KCNN2: variants seen among roughly 807,000 people sequenced by gnomAD.
The protein encoded by KCNN2 is potassium calcium-activated channel subfamily N member 2.
KCNN2 carries 24 observed loss-of-function variants against 55.5 expected under a neutral mutation model. The observed-to-expected ratio is 0.43, with a 90% CI of 0.31 to 0.61. KCNN2 has a LOEUF of 0.61. Among genes scored for constraint, KCNN2 ranks in the 20% least tolerant of loss-of-function variants. The pLI is 0.08. For synonymous variants in KCNN2, 431 were observed against 336.1 expected, an observed-to-expected ratio of 1.28 and a Z score of -3.09; for missense variants, 754 against 853.6, an observed-to-expected ratio of 0.88 and a Z score of 1.45.
intron 2 of KCNN2, among the ~76,000 whole-genome samples, chr5:114,388,457 C>T (rs1447771663): frequency 1.3e-5 from 2 of 152,188 alleles, no homozygotes; most frequent in Non-Finnish European, 2.9e-5. Context: ...GATCTCCCTT[C>T]CTCCTTCCAT....
chr5:114,440,393 C>T (rs1184210116), intron 3 of KCNN2, among the ~76,000 whole-genome samples: 1 of 152,100 alleles, frequency 6.6e-6, no homozygotes, highest in Non-Finnish European at 1.5e-5. Flanking sequence ...TATGTACCAC[C>T]AGGTCCTCAC....
intron 2 of KCNN2, among the ~76,000 whole-genome samples, chr5:114,389,119 A>G (rs771643306): frequency 1.8e-4 from 28 of 151,608 alleles, no homozygotes; most frequent in Non-Finnish European, 3.7e-4. Context: ...GTGAGTGTGT[A>G]TGTGTCTTTC....
At chr5:114,228,172 G>A (rs757706119) in intron 2 of KCNN2, among the ~76,000 whole-genome samples, 27 of 152,062 alleles carry the variant, frequency 1.8e-4, no homozygotes, top group Admixed American at 7.2e-4. Flanking sequence ...TCAGTCTTGA[G>A]ATGTCATTTC....
At chr5:114,405,857 C>A (rs1758914669) in intron 3 of KCNN2, among the ~76,000 whole-genome samples, 1 of 151,804 alleles carries the variant, frequency 6.6e-6, no homozygotes, top group East Asian at 1.9e-4. Flanking sequence ...ACTACAGGTG[C>A]CTGCCACCAT....
intron 5 of KCNN2, among the ~76,000 whole-genome samples, chr5:114,481,653 G>A (rs1031141010): frequency 6.6e-6 from 1 of 151,964 alleles, no homozygotes; most frequent in Admixed American, 6.6e-5. Flanking sequence ...TATATTATAG[G>A]GCTACAGTAA....
At chr5:114,056,388 C>T in exon 1 of KCNN2, 1 of 398,686 alleles carries the variant, frequency 2.5e-6, no homozygotes. Context: ...CCGGAATTCT[C>T]AGTGGACTCG....
chr5:114,182,279 C>T (rs937686978), intron 1 of KCNN2, among the ~76,000 whole-genome samples: 2 of 151,906 alleles, frequency 1.3e-5, no homozygotes, highest in African/African-American at 2.4e-5. Context: ...GCTGATATGT[C>T]TTTATTACTC....
chr5:114,163,018 C>A (rs1210927991), intron 1 of KCNN2, among the ~76,000 whole-genome samples: 1 of 152,186 alleles, frequency 6.6e-6, no homozygotes, highest in African/African-American at 2.4e-5. Context: ...TCTGCACCCA[C>A]TGTCTGGCAA....
chr5:114,481,179 A>T (rs544076457), intron 5 of KCNN2, among the ~76,000 whole-genome samples: 1 of 152,272 alleles, frequency 6.6e-6, no homozygotes, highest in Non-Finnish European at 1.5e-5. Flanking sequence ...GTGTGCAAAA[A>T]TTGCTAGCAT....
intron 3 of KCNN2, chr5:114,433,700 C>T (rs1279177423): frequency 1.3e-5 from 2 of 152,414 alleles, no homozygotes; most frequent in African/African-American, 4.8e-5. Flanking sequence ...ATGAACAACT[C>T]CAGATGCACC....
chr5:114,246,607 G>A (rs565323175), intron 2 of KCNN2, among the ~76,000 whole-genome samples: 2 of 152,214 alleles, frequency 1.3e-5, no homozygotes, highest in East Asian at 3.9e-4. Context: ...TACTTTTAGA[G>A]CTACTGTACC....
In KCNN2 at chr5:114,242,295, G is replaced by T. The variant is rs191797766; in HGVS notation, c.-185+20730G>T. ...ATATGAAAGCCAAGACCCATGGAGA[G>T]TTGTCTTCAACAATAGCATAAACAA... On this transcript the variant is annotated intron_variant, in intron 2 of 10. Coordinates refer to the KCNN2 transcript ENST00000512097. 3.3e-3 allele frequency among the ~76,000 whole-genome samples: 416 copies of T among 124,898 alleles called. 4 individuals carry two copies. Among genetic ancestry groups the T allele is most frequent in the African/African-American group, 0.011 (399 of 37,430 alleles). The allele number at this position is 124,898 out of a possible 152,430, so 81.9% of individuals were successfully genotyped here. A position where few individuals can be genotyped will look rare whatever the true frequency, so the allele number is the denominator to read the frequency against.
intron 1 of KCNN2, among the ~76,000 whole-genome samples, chr5:114,127,777 T>A (rs1751969694): frequency 6.6e-6 from 1 of 152,212 alleles, no homozygotes; most frequent in Admixed American, 6.5e-5. Context: ...TGCTTTCTCT[T>A]GAATGCTTTG....
In KCNN2 at chr5:114,188,512, T is replaced by G. The variant is rs561180343; in HGVS notation, c.-270-32968T>G. On this transcript the variant is annotated intron_variant, in intron 1 of 10. Transcript: ENST00000512097. ...AAAATTATGAAAATACGTAAGATAT[T>G]TTTTAAAAAGAGGCAAACCTGCTAT... Among the ~76,000 whole-genome samples the G allele has an allele frequency of 3.9e-5, 6 of 152,296 alleles. No individual in the cohort carries two copies. The East Asian group carries it at 1.2e-3, about 29-fold the overall frequency.
chr5:114,422,684 G>A (rs146123974), intron 3 of KCNN2, among the ~76,000 whole-genome samples: 40 of 152,256 alleles, frequency 2.6e-4, no homozygotes, highest in African/African-American at 8.7e-4. Context: ...TTTAAGTGTC[G>A]TCTTTTAAAT....
intron 2 of KCNN2, among the ~76,000 whole-genome samples, chr5:114,319,314 C>T (rs1404071924): frequency 1.3e-5 from 2 of 152,128 alleles, no homozygotes; most frequent in African/African-American, 4.8e-5. Flanking sequence ...AGGGGATGAG[C>T]TGTTTCCCTG....
intron 1 of KCNN2, among the ~76,000 whole-genome samples, chr5:114,193,349 G>A (rs1753487657): frequency 6.6e-6 from 1 of 152,102 alleles, no homozygotes; most frequent in African/African-American, 2.4e-5. Flanking sequence ...AGATTATACA[G>A]AACATATTCT....
intron 3 of KCNN2, among the ~76,000 whole-genome samples, chr5:114,422,298 C>A (rs185442900): frequency 1.8e-4 from 27 of 152,206 alleles, no homozygotes; most frequent in Non-Finnish European, 2.8e-4. Flanking sequence ...ATGATTGGGT[C>A]ATGAGGGTGG....
intron 1 of KCNN2, among the ~76,000 whole-genome samples, chr5:114,194,702 G>C (rs1211465254): frequency 6.6e-6 from 1 of 151,732 alleles, no homozygotes; most frequent in Non-Finnish European, 1.5e-5. Flanking sequence ...TTTTAATTTT[G>C]ATGTTTTTTT....
Sources: allele counts gnomAD v4.1 joint callset (sites outside exome capture counted in the v4.1 genomes callset), GRCh38; gene constraint gnomAD v4.1.1; transcripts MANE v1.5; gene names NCBI Gene and HGNC (gene_info 2026-07-23, HGNC 2026-07-21).